The following NOS1AP variants were observed in gnomAD, a reference collection of about 807,000 sequenced individuals.
NOS1AP encodes the protein nitric oxide synthase 1 adaptor protein, also known as carboxyl-terminal PDZ ligand of neuronal nitric oxide synthase protein.
A neutral mutation model predicts 56.2 loss-of-function variants in NOS1AP; 21 were observed. The observed-to-expected ratio is 0.37, with a 90% CI of 0.26 to 0.54. NOS1AP has a LOEUF of 0.54. Among genes scored for constraint, NOS1AP ranks in the 20% least tolerant of loss-of-function variants. NOS1AP has a pLI of 0.84. For synonymous variants in NOS1AP, 270 were observed against 274.6 expected, an observed-to-expected ratio of 0.98 and a Z score of 0.17; for missense variants, 522 against 657.8, an observed-to-expected ratio of 0.79 and a Z score of 2.26.
At chr1:162,212,429 C>A (rs1371725307) in intron 2 of NOS1AP, among the ~76,000 whole-genome samples, 1 of 152,144 alleles carries the variant, frequency 6.6e-6, no homozygotes, top group African/African-American at 2.4e-5. Context: ...AGGTTTTATG[C>A]ACCAAACTAT....
At chr1:162,116,923 TG>T (rs529156289) in intron 1 of NOS1AP, among the ~76,000 whole-genome samples, 124 of 152,252 alleles carry the variant, frequency 8.1e-4, no homozygotes, top group African/African-American at 2.9e-3. Context: ...TGTAGCTTTT[TG>T]GGGGGGCTGG....
intron 1 of NOS1AP, among the ~76,000 whole-genome samples, chr1:162,094,859 C>G (rs1283138355): frequency 1.3e-5 from 2 of 152,140 alleles, no homozygotes; most frequent in African/African-American, 4.8e-5. Flanking sequence ...CATTCCAGCT[C>G]TAATTCCAGC....
At chr1:162,222,878 G>A (rs761160753) in intron 2 of NOS1AP, among the ~76,000 whole-genome samples, 3 of 152,290 alleles carry the variant, frequency 2.0e-5, no homozygotes, top group South Asian at 2.1e-4. Flanking sequence ...TTAAGATCAC[G>A]TGTGCTGATT....
chr1:162,321,731 A>AAAAAAAATATAT (rs1480278757), intron 4 of NOS1AP, among the ~76,000 whole-genome samples: 3 of 128,494 alleles, frequency 2.3e-5, no homozygotes, highest in African/African-American at 8.7e-5. Context: ...AAAAAAAAAA[A>AAAAAAAATATAT]ATATATATAT....
At chr1:162,158,797 C>T (rs1207093252) in intron 2 of NOS1AP, among the ~76,000 whole-genome samples, 2 of 152,154 alleles carry the variant, frequency 1.3e-5, no homozygotes, top group Non-Finnish European at 2.9e-5. Context: ...GGGACACTCC[C>T]CAGAACTACA....
chr1:162,323,497 A>G (rs183447697), intron 4 of NOS1AP, among the ~76,000 whole-genome samples: 1 of 152,352 alleles, frequency 6.6e-6, no homozygotes, highest in Admixed American at 6.5e-5. Flanking sequence ...CTGTTTCTTC[A>G]TCTGTAAAAT....
chr1:162,285,499 A>G (rs1365191676), intron 2 of NOS1AP, among the ~76,000 whole-genome samples: 2 of 152,214 alleles, frequency 1.3e-5, no homozygotes, highest in African/African-American at 4.8e-5. Context: ...CCTCAAGTGC[A>G]TGCCAATCAA....
intron 2 of NOS1AP, among the ~76,000 whole-genome samples, chr1:162,170,770 A>G (rs1650729398): frequency 6.6e-6 from 1 of 152,038 alleles, no homozygotes; most frequent in African/African-American, 2.4e-5. Context: ...GACTAAAAAT[A>G]CAAAAACTAA....
intron 2 of NOS1AP, among the ~76,000 whole-genome samples, chr1:162,201,542 A>C (rs541618954): frequency 2.0e-4 from 31 of 152,266 alleles, no homozygotes; most frequent in Non-Finnish European, 4.1e-4. Context: ...CTTCCATAAT[A>C]ATTAAACTAA....
intron 4 of NOS1AP, among the ~76,000 whole-genome samples, chr1:162,328,104 C>T (rs1043536526): frequency 6.6e-6 from 1 of 152,218 alleles, no homozygotes; most frequent in African/African-American, 2.4e-5. Context: ...AGCCCATGCT[C>T]TTTCCACAGT....
At chr1:162,180,446 G>A (rs898553269) in intron 2 of NOS1AP, among the ~76,000 whole-genome samples, 6 of 152,010 alleles carry the variant, frequency 3.9e-5, no homozygotes, top group Non-Finnish European at 5.9e-5. Flanking sequence ...CGCTTTCACC[G>A]TGTTAGCCAG....
intron 4 of NOS1AP, among the ~76,000 whole-genome samples, chr1:162,320,173 G>A (rs544113518): frequency 1.3e-5 from 2 of 152,248 alleles, no homozygotes; most frequent in African/African-American, 2.4e-5. Flanking sequence ...TAAGATGTGC[G>A]TATCTTAGAA....
chr1:162,358,188 G>T (rs348626), intron 8 of NOS1AP, among the ~76,000 whole-genome samples: 89,276 of 152,066 alleles, frequency 0.59, 27,296 homozygotes, highest in East Asian at 0.71. Context: ...TATGTCTTCT[G>T]CTTACTCTTG....
At position 162,232,031 on chromosome 1, in the gene NOS1AP, A is replaced by C. The variant is rs139305153; in HGVS notation, c.178-55313A>C. Among the ~76,000 whole-genome samples, 79 of 152,336 alleles carry C rather than the reference A, an allele frequency of 5.2e-4. 1 individual carries two copies. The highest frequency in any genetic ancestry group is 1.9e-3 in the African/African-American group (78 of 41,566). On this transcript the variant is annotated intron_variant, in intron 2 of 9. Coordinates refer to ENST00000361897, the MANE Select transcript of NOS1AP (RefSeq NM_014697.3). ...GAGCACACACAGTTTATCCACATAA[A>C]GTTTATGCTCTTGTAGCACAGAGGT...
intron 2 of NOS1AP, among the ~76,000 whole-genome samples, chr1:162,262,796 T>C (rs1415198963): frequency 6.6e-6 from 1 of 152,212 alleles, no homozygotes; most frequent in African/African-American, 2.4e-5. Context: ...AATCTTAATG[T>C]GAAAAACAAC....
intron 1 of NOS1AP, among the ~76,000 whole-genome samples, chr1:162,076,482 T>C (rs1057194465): frequency 6.6e-6 from 1 of 152,234 alleles, no homozygotes; most frequent in East Asian, 1.9e-4. Context: ...AATTCACTAA[T>C]TTAAAATGTA....
At position 162,172,981 on chromosome 1, in the gene NOS1AP, G is replaced by A. The variant is rs577020853; in HGVS notation, c.177+18505G>A. On this transcript the variant is annotated intron_variant, in intron 2 of 9. Transcript: ENST00000361897. ...CTGTCACCCAGGCTGGAGTGTAGTG[G>A]CGCAATCTTGGCTCATTGCAACCTT... 9.9e-5 allele frequency among the ~76,000 whole-genome samples: 15 copies of A among 151,710 alleles called. No individual in the cohort carries two copies. The South Asian group carries it at 3.1e-3, about 32-fold the overall frequency.
At chr1:162,091,796 T>C (rs1692135763) in intron 1 of NOS1AP, among the ~76,000 whole-genome samples, 1 of 152,100 alleles carries the variant, frequency 6.6e-6, no homozygotes, top group African/African-American at 2.4e-5. Flanking sequence ...CCCAGGAGCA[T>C]GTGGAGTGCT....
In NOS1AP at chr1:162,143,267, C is replaced by CT. The variant is rs756063741; in HGVS notation, c.106-11137dup. Among the ~76,000 whole-genome samples, 10 of 152,196 alleles carry CT rather than the reference C, an allele frequency of 6.6e-5. 1 individual carries two copies. The South Asian group carries it at 2.1e-3, about 32-fold the overall frequency. Reference sequence around the variant, plus strand: ...TCACTCCTCTTTGATTCTGTTGAGACTAATTTCTTGATTCTGCCCTTCCAT... The same window carrying CT: ...TCACTCCTCTTTGATTCTGTTGAGACTTAATTTCTTGATTCTGCCCTTCCAT... On this transcript the variant is annotated intron_variant, in intron 1 of 9. Transcript: ENST00000361897.
Sources: gnomAD v4.1 joint callset for allele counts (sites outside exome capture counted in the v4.1 genomes callset) on GRCh38, gnomAD v4.1.1 for gene constraint, MANE v1.5 for transcripts, NCBI Gene and HGNC (gene_info 2026-07-23, HGNC 2026-07-21) for gene names.